RBFOX1: variants seen among roughly 807,000 people sequenced by gnomAD.
RBFOX1 encodes RNA binding fox-1 homolog 1, also known as RNA binding protein fox-1 homolog 1.
RBFOX1 carries 8 observed loss-of-function variants against 57.7 expected under a neutral mutation model. The ratio of observed to expected loss-of-function variants is 0.14; its 90% CI spans 0.08 to 0.25. RBFOX1 has a LOEUF of 0.25. Among genes scored for constraint, RBFOX1 ranks in the 10% least tolerant of loss-of-function variants. RBFOX1 has a pLI of 1.00. For missense variants in RBFOX1, 611 were observed against 548.5 expected, an observed-to-expected ratio of 1.11 and a Z score of -1.14; for synonymous variants, 326 against 222.4, an observed-to-expected ratio of 1.47 and a Z score of -4.15.
At position 6,967,204 on chromosome 16, in the gene RBFOX1, C is replaced by A. The variant is rs115484588; in HGVS notation, c.-15-84853C>A. Among the ~76,000 whole-genome samples the A allele has an allele frequency of 6.0e-3, 919 of 152,078 alleles. 14 individuals carry two copies. Among genetic ancestry groups the A allele is most frequent in the African/African-American group, 0.021 (871 of 41,482 alleles). ...ATCCATTTTCTATCTATACATTGAT[C>A]CATCTCTCCATCCATCATCCATTTG... On this transcript the variant is annotated intron_variant, in intron 3 of 15. Coordinates refer to ENST00000550418, the MANE Select transcript of RBFOX1 (RefSeq NM_018723.4).
At chr16:6,779,148 T>G (rs964448923) in intron 3 of RBFOX1, among the ~76,000 whole-genome samples, 26 of 152,080 alleles carry the variant, frequency 1.7e-4, no homozygotes, top group African/African-American at 6.3e-4. Flanking sequence ...TGAATTTACC[T>G]ACTTCTAACT....
At chr16:7,646,554 G>C (rs1399680585) in intron 11 of RBFOX1, among the ~76,000 whole-genome samples, 1 of 152,220 alleles carries the variant, frequency 6.6e-6, no homozygotes. Context: ...AGGACAAAGA[G>C]AGCCCCCCTC....
chr16:5,498,030 G>A (rs977706507), intron 2 of RBFOX1, among the ~76,000 whole-genome samples: 1 of 152,194 alleles, frequency 6.6e-6, no homozygotes, highest in Non-Finnish European at 1.5e-5. Flanking sequence ...TTTCAAGGAA[G>A]AGAGAAGATT....
At chr16:5,920,710 A>G (rs1597797409) in intron 4 of RBFOX1, among the ~76,000 whole-genome samples, 1 of 152,282 alleles carries the variant, frequency 6.6e-6, no homozygotes, top group Middle Eastern at 3.4e-3. Flanking sequence ...CTTGAGATGC[A>G]GGGCCGTCCC....
chr16:6,564,610 C>G (rs2097232039), intron 2 of RBFOX1, among the ~76,000 whole-genome samples: 1 of 151,952 alleles, frequency 6.6e-6, no homozygotes, highest in East Asian at 1.9e-4. Context: ...CTCTTGGAAG[C>G]AGAGAGTAGA....
chr16:7,041,470 TCTC>T (rs1374341573), intron 3 of RBFOX1, among the ~76,000 whole-genome samples: 9 of 152,162 alleles, frequency 5.9e-5, no homozygotes, highest in Non-Finnish European at 1.5e-5. Flanking sequence ...TTGGCATTCT[TCTC>T]AGTTCTGGGT....
chr16:6,456,637 G>A (rs1437934785), intron 2 of RBFOX1, among the ~76,000 whole-genome samples: 2 of 152,220 alleles, frequency 1.3e-5, no homozygotes, highest in Non-Finnish European at 2.9e-5. Flanking sequence ...ATGGATTGCG[G>A]TGGAAGGAGA....
At chr16:6,916,687 T>C (rs1200754326) in intron 3 of RBFOX1, among the ~76,000 whole-genome samples, 9 of 152,122 alleles carry the variant, frequency 5.9e-5, no homozygotes, top group African/African-American at 2.2e-4. Flanking sequence ...TACCTCTCAT[T>C]GGCCGCAGTT....
chr16:7,362,780 G>A (rs1033215423), intron 4 of RBFOX1, among the ~76,000 whole-genome samples: 1 of 152,178 alleles, frequency 6.6e-6, no homozygotes, highest in African/African-American at 2.4e-5. Flanking sequence ...GCGTATATGT[G>A]TGTGTGTGCA....
chr16:6,447,086 A>G (rs2094499366), intron 2 of RBFOX1, among the ~76,000 whole-genome samples: 1 of 152,232 alleles, frequency 6.6e-6, no homozygotes, highest in African/African-American at 2.4e-5. Flanking sequence ...AAAACTTCGA[A>G]AACCGCACAC....
At chr16:6,750,202 C>T (rs1157597529) in intron 3 of RBFOX1, among the ~76,000 whole-genome samples, 2 of 152,080 alleles carry the variant, frequency 1.3e-5, no homozygotes, top group African/African-American at 4.8e-5. Flanking sequence ...ATAGCAAAAC[C>T]TATTGAATTG....
chr16:6,904,456 C>T (rs1298416923), intron 3 of RBFOX1, among the ~76,000 whole-genome samples: 1 of 151,776 alleles, frequency 6.6e-6, no homozygotes. Flanking sequence ...CAAAAATGAG[C>T]TAGGTGTGGT....
At chr16:6,913,677 A>G (rs553040784) in intron 3 of RBFOX1, among the ~76,000 whole-genome samples, 5 of 152,240 alleles carry the variant, frequency 3.3e-5, no homozygotes, top group Non-Finnish European at 5.9e-5. Context: ...CCCTTGGTAG[A>G]CCTGGCTCCT....
chr16:7,554,921 A>T (rs143369573), intron 5 of RBFOX1, among the ~76,000 whole-genome samples: 1 of 152,216 alleles, frequency 6.6e-6, no homozygotes, highest in East Asian at 1.9e-4. Context: ...TGTTGGGACA[A>T]TTAGCATTCG....
intron 4 of RBFOX1, among the ~76,000 whole-genome samples, chr16:7,153,448 A>G (rs776035968): frequency 6.6e-6 from 1 of 152,120 alleles, no homozygotes; most frequent in Non-Finnish European, 1.5e-5. Flanking sequence ...TTGAAAGGAC[A>G]TCTGTTGGCC....
At chr16:6,658,568 G>C (rs976118649) in intron 3 of RBFOX1, among the ~76,000 whole-genome samples, 2 of 152,078 alleles carry the variant, frequency 1.3e-5, no homozygotes, top group Non-Finnish European at 1.5e-5. Flanking sequence ...CACAGTCTGG[G>C]CTCGATCTGA....
chr16:6,626,573 A>C (rs113107860), intron 2 of RBFOX1, among the ~76,000 whole-genome samples: 6,348 of 152,246 alleles, frequency 0.042, 178 homozygotes, highest in Non-Finnish European at 0.051. Context: ...CAGCCTGGCC[A>C]ACATGGTGAA....
intron 3 of RBFOX1, among the ~76,000 whole-genome samples, chr16:5,766,643 A>G (rs1469261514): frequency 2.0e-5 from 3 of 152,122 alleles, no homozygotes; most frequent in Admixed American, 1.3e-4. Context: ...ACTCACTACC[A>G]TGAGGACAGC....
At chr16:6,526,056 C>G (rs577108288) in intron 2 of RBFOX1, among the ~76,000 whole-genome samples, 177 of 152,278 alleles carry the variant, frequency 1.2e-3, no homozygotes, top group Non-Finnish European at 1.8e-3. Context: ...GTGTTCTCAT[C>G]ACTTACATGA....
Sources: gnomAD v4.1 joint callset for allele counts (sites outside exome capture counted in the v4.1 genomes callset) on GRCh38, gnomAD v4.1.1 for gene constraint, MANE v1.5 for transcripts, NCBI Gene and HGNC (gene_info 2026-07-23, HGNC 2026-07-21) for gene names.